MALRD1: variants seen among roughly 807,000 people sequenced by gnomAD.
The protein encoded by MALRD1 is MAM and LDL-receptor class A domain-containing protein 1.
A neutral mutation model predicts 242.1 loss-of-function variants in MALRD1; 247 were observed. The ratio of observed to expected loss-of-function variants is 1.02; its 90% CI spans 0.92 to 1.13. MALRD1 has a LOEUF of 1.13. Among genes scored for constraint, MALRD1 ranks in the 50% most tolerant of loss-of-function variants. MALRD1 has a pLI of 0.00. For synonymous variants in MALRD1, 995 were observed against 866.6 expected, an observed-to-expected ratio of 1.15 and a Z score of -2.60; for missense variants, 2,989 against 2,533.1, an observed-to-expected ratio of 1.18 and a Z score of -3.86.
At chr10:19,700,767 A>G (rs1833586612) in intron 38 of MALRD1, among the ~76,000 whole-genome samples, 1 of 152,002 alleles carries the variant, frequency 6.6e-6, no homozygotes, top group African/African-American at 2.4e-5. Flanking sequence ...TTATCACCCA[A>G]GACTTTTGTC....
In MALRD1 at chr10:19,071,819, G is replaced by A. The variant is rs1281905699; in HGVS notation, c.340+4960G>A. Among the ~76,000 whole-genome samples the A allele has an allele frequency of 3.9e-5, 6 of 152,224 alleles. No individual in the cohort carries two copies. In the East Asian group the frequency reaches 7.7e-4, roughly 20 times the overall value. On this transcript the variant is annotated intron_variant, in intron 2 of 39. Transcript: ENST00000454679. ...CCCACATTCTCACTCTCTAGATTAC[G>A]TTTCTGCAGCCTCTGTCTGAATATC...
chr10:19,169,875 T>A (rs2250117), intron 13 of MALRD1, among the ~76,000 whole-genome samples: 137,203 of 152,260 alleles, frequency 0.9, 62,067 homozygotes, highest in East Asian at 1. Flanking sequence ...GTTCCACGTG[T>A]CTAAGCTCTG....
intron 32 of MALRD1, among the ~76,000 whole-genome samples, chr10:19,533,133 A>T (rs1382960296): frequency 6.6e-6 from 1 of 152,174 alleles, no homozygotes; most frequent in Non-Finnish European, 1.5e-5. Context: ...TCCTCAATTC[A>T]AAAAGACCAC....
chr10:19,692,504 C>T lies in MALRD1; in HGVS notation c.6264C>T (p.His2088=), dbSNP rs1833125977. The change falls in exon 38 of 40, where the codon CAC becomes CAT. Residue 2088 remains histidine, a synonymous_variant. Transcript: ENST00000454679. ...LGIGLAFLMT[H]ITVAVLCFLA... The stretch of plus-strand genomic sequence containing the variant: ...TTGGATTAGCATTCCTGATGACTCA[C>T]ATCACAGTTGCAGTCTTGTGTTTTC... 6.5e-7 allele frequency: 1 copy of T among 1,535,950 alleles called. No homozygotes were observed. Among genetic ancestry groups the T allele is most frequent in the Admixed American group, 2.0e-5 (1 of 50,930 alleles).
intron 29 of MALRD1, among the ~76,000 whole-genome samples, chr10:19,474,096 C>G (rs920038058): frequency 7.6e-6 from 1 of 131,660 alleles, no homozygotes; most frequent in Non-Finnish European, 1.6e-5. Flanking sequence ...TGTTGAACAT[C>G]GTTTCATGTG....
intron 10 of MALRD1, among the ~76,000 whole-genome samples, chr10:19,137,607 G>GAAAA (rs34768480): frequency 9.5e-5 from 8 of 84,444 alleles, no homozygotes; most frequent in African/African-American, 1.8e-4. Context: ...GACTCCGTCT[G>GAAAA]AAAAAAAAAA....
At chr10:19,418,145 G>C (rs1833581630) in intron 28 of MALRD1, among the ~76,000 whole-genome samples, 2 of 151,976 alleles carry the variant, frequency 1.3e-5, no homozygotes, top group South Asian at 4.2e-4. Context: ...CAATTGACCT[G>C]TCTCTATCTA....
At chr10:19,162,700 A>T (rs960153542) in intron 12 of MALRD1, among the ~76,000 whole-genome samples, 2 of 152,290 alleles carry the variant, frequency 1.3e-5, no homozygotes, top group Middle Eastern at 3.4e-3. Flanking sequence ...AAGTATGCTT[A>T]TACACTGTTG....
intron 26 of MALRD1, among the ~76,000 whole-genome samples, chr10:19,376,908 T>C (rs888295497): frequency 1.3e-5 from 2 of 152,152 alleles, no homozygotes; most frequent in Non-Finnish European, 2.9e-5. Flanking sequence ...GTAAAAAGAC[T>C]GTTGCACTAA....
At chr10:19,264,132 T>A (rs886351146) in intron 19 of MALRD1, among the ~76,000 whole-genome samples, 4 of 152,200 alleles carry the variant, frequency 2.6e-5, no homozygotes, top group Non-Finnish European at 5.9e-5. Context: ...TTTGGAGTTT[T>A]TATCATGAAA....
At chr10:19,470,397 G>A (rs557018546) in intron 29 of MALRD1, among the ~76,000 whole-genome samples, 1 of 152,002 alleles carries the variant, frequency 6.6e-6, no homozygotes, top group East Asian at 1.9e-4. Context: ...CTGCAATTAC[G>A]ATACCAGGTG....
chr10:19,491,092 A>G (rs968364525), intron 29 of MALRD1: 9 of 293,432 alleles, frequency 3.1e-5, no homozygotes, highest in African/African-American at 2.0e-4. Context: ...ATATCATTAA[A>G]ATTAGTGTCT....
chr10:19,252,931 A>G (rs1839358336), intron 18 of MALRD1, among the ~76,000 whole-genome samples: 1 of 152,012 alleles, frequency 6.6e-6, no homozygotes, highest in Non-Finnish European at 1.5e-5. Flanking sequence ...TGTATCCAGC[A>G]AATAGTTCCC....
At chr10:19,613,850 A>G (rs10827645) in intron 35 of MALRD1, among the ~76,000 whole-genome samples, 131,134 of 151,684 alleles carry the variant, frequency 0.86, 57,070 homozygotes, top group Admixed American at 0.91. Flanking sequence ...TGGCCTCTGG[A>G]TCTTTATGTT....
intron 24 of MALRD1, among the ~76,000 whole-genome samples, chr10:19,333,304 T>C (rs554445782): frequency 6.6e-6 from 1 of 152,216 alleles, no homozygotes; most frequent in South Asian, 2.1e-4. Context: ...TCTCCTTCTC[T>C]TCACTCTAGT....
At chr10:19,158,238 G>C (rs1005017823) in intron 12 of MALRD1, among the ~76,000 whole-genome samples, 2 of 152,090 alleles carry the variant, frequency 1.3e-5, no homozygotes, top group African/African-American at 4.8e-5. Flanking sequence ...TTACTTTTAG[G>C]ACTTCACAAT....
At chr10:19,134,012 A>G (rs1833223860) in intron 9 of MALRD1, 64 bp downstream of exon 9, 1 of 798,350 alleles carries the variant, frequency 1.3e-6, no homozygotes, top group Admixed American at 4.3e-5. Flanking sequence ...GCAGTAATAA[A>G]TTGACCATGC....
chr10:19,376,308 A>C (rs1845592287), intron 26 of MALRD1, among the ~76,000 whole-genome samples: 1 of 152,126 alleles, frequency 6.6e-6, no homozygotes, highest in Admixed American at 6.5e-5. Flanking sequence ...TGTGGTTAAT[A>C]AGATGGTTAA....
intron 28 of MALRD1, among the ~76,000 whole-genome samples, chr10:19,402,375 C>A (rs776513146): frequency 6.6e-6 from 1 of 152,088 alleles, no homozygotes; most frequent in African/African-American, 2.4e-5. Context: ...CATTGAATCA[C>A]GGGGGTGATT....
Sources: allele counts gnomAD v4.1 joint callset (sites outside exome capture counted in the v4.1 genomes callset), GRCh38; gene constraint gnomAD v4.1.1; transcripts MANE v1.5; gene names NCBI Gene and HGNC (gene_info 2026-07-23, HGNC 2026-07-21).